TRAPPC12: variants seen among roughly 807,000 people sequenced by gnomAD.
TRAPPC12 encodes trafficking protein particle complex subunit 12, also known as TPR repeat protein 15.
TRAPPC12 carries 61 observed loss-of-function variants against 69.2 expected under a neutral mutation model. That is an observed-to-expected ratio of 0.88 (90% confidence interval 0.72 to 1.09). The LOEUF (loss-of-function observed/expected upper bound fraction) is 1.09. TRAPPC12 is among the 50% of genes least tolerant of loss of function. The pLI, the probability that TRAPPC12 is intolerant of heterozygous loss-of-function variation, is 0.00. For missense variants in TRAPPC12, 1,101 were observed against 1,016.4 expected (o/e 1.08, Z -1.13); for synonymous variants, 469 against 438.9 (o/e 1.07, Z -0.86).
At chr2:3,384,650 A>G (rs1010795812) in intron 1 of TRAPPC12, among the ~76,000 whole-genome samples, 67 of 152,226 alleles carry the variant, frequency 4.4e-4, no homozygotes, top group African/African-American at 1.4e-3. Context: ...AAATAAATAC[A>G]TTGCTGATTC....
intron 5 of TRAPPC12, among the ~76,000 whole-genome samples, chr2:3,434,752 G>A (rs1453432406): frequency 6.6e-6 from 1 of 152,218 alleles, no homozygotes; most frequent in Admixed American, 6.5e-5. Flanking sequence ...GTGGCCGTAT[G>A]TTGGCAGTTT....
intron 1 of TRAPPC12, among the ~76,000 whole-genome samples, chr2:3,380,300 T>G (rs1440972842): frequency 1.3e-5 from 2 of 152,156 alleles, no homozygotes; most frequent in Non-Finnish European, 2.9e-5. Context: ...AAGAGGTTAC[T>G]AATGACCTGC....
intron 1 of TRAPPC12, among the ~76,000 whole-genome samples, chr2:3,382,198 G>T (rs916504259): frequency 1.4e-5 from 2 of 138,520 alleles, no homozygotes; most frequent in African/African-American, 5.4e-5. Flanking sequence ...GCAGTGGCAC[G>T]ATCTTGGCTC....
chr2:3,388,222 T>A lies in TRAPPC12; in HGVS notation c.599T>A (p.Val200Glu), dbSNP rs1323259192. ...EASARTPPQVVQPSPSLSTFF... is the reference protein window; with the variant it reads ...EASARTPPQVEQPSPSLSTFF... ...TCGGCCAGGACACCGCCCCAGGTCG[T>A]GCAGCCCAGCCCCAGCCTCAGCACG... is the stretch of plus-strand genomic sequence containing the variant. The change falls in exon 2 of 12, where the codon GTG becomes GAG. Residue 200 changes from valine to glutamate, a missense_variant. Physicochemically the swap from Val to Glu is moderately radical, Grantham distance 121 (BLOSUM62 -2). Coordinates refer to ENST00000324266, the MANE Select transcript of TRAPPC12 (RefSeq NM_016030.6). 6.2e-7 allele frequency: 1 copy of A among 1,608,732 alleles called. No homozygotes were observed. The highest frequency in any genetic ancestry group is 2.3e-5 in the East Asian group (1 of 44,416).
intron 5 of TRAPPC12, among the ~76,000 whole-genome samples, chr2:3,427,500 G>A (rs1663176044): frequency 6.6e-6 from 1 of 152,200 alleles, no homozygotes; most frequent in Non-Finnish European, 1.5e-5. Context: ...GATTCAAAAT[G>A]ACTCCTCTTA....
At chr2:3,430,234 G>A (rs1295349636) in intron 5 of TRAPPC12, among the ~76,000 whole-genome samples, 1 of 152,108 alleles carries the variant, frequency 6.6e-6, no homozygotes, top group Non-Finnish European at 1.5e-5. Flanking sequence ...GGGCATCCTT[G>A]TACATTTCCC....
At chr2:3,462,467 TTAA>T (rs546404962) in intron 8 of TRAPPC12, among the ~76,000 whole-genome samples, 133 of 152,344 alleles carry the variant, frequency 8.7e-4, no homozygotes, top group Non-Finnish European at 1.5e-3. Context: ...GTGTGTGATC[TTAA>T]TAATATGGGG....
chr2:3,384,705 AG>A (rs1385545302), intron 1 of TRAPPC12, among the ~76,000 whole-genome samples: 1 of 152,200 alleles, frequency 6.6e-6, no homozygotes, highest in Non-Finnish European at 1.5e-5. Context: ...TTCATGAGTG[AG>A]ATGATAGCTT....
intron 8 of TRAPPC12, among the ~76,000 whole-genome samples, chr2:3,461,475 G>C (rs1182847914): frequency 2.0e-5 from 3 of 152,238 alleles, no homozygotes; most frequent in African/African-American, 7.2e-5. Flanking sequence ...CCGTGACGCA[G>C]CCTCGCACTA....
chr2:3,419,973 C>G (rs1213983123), intron 3 of TRAPPC12, among the ~76,000 whole-genome samples: 3 of 152,208 alleles, frequency 2.0e-5, no homozygotes, highest in Non-Finnish European at 4.4e-5. Context: ...ACTAAACATA[C>G]TCTTAGGTAC....
chr2:3,411,015 C>T (rs549575662), intron 3 of TRAPPC12, among the ~76,000 whole-genome samples: 104 of 152,074 alleles, frequency 6.8e-4, no homozygotes, highest in Non-Finnish European at 1.2e-3. Flanking sequence ...GGCCACAGAG[C>T]GAGACTCCAT....
chr2:3,446,114 C>T (rs1202963638), intron 6 of TRAPPC12, among the ~76,000 whole-genome samples: 2 of 152,248 alleles, frequency 1.3e-5, no homozygotes, highest in Non-Finnish European at 2.9e-5. Flanking sequence ...ACTCATGCTT[C>T]TCGTTCCCTC....
chr2:3,442,119 C>A (rs1385294158), intron 5 of TRAPPC12, among the ~76,000 whole-genome samples: 1 of 89,420 alleles, frequency 1.1e-5, no homozygotes, highest in Non-Finnish European at 2.4e-5. Flanking sequence ...CTAGTCTGTA[C>A]GTTGAGATCG....
chr2:3,450,028 G>A (rs1057324968), intron 6 of TRAPPC12, among the ~76,000 whole-genome samples: 4 of 152,104 alleles, frequency 2.6e-5, no homozygotes, highest in Non-Finnish European at 4.4e-5. Flanking sequence ...CTGGGCATCA[G>A]GGCTTTCCAG....
At position 3,414,766 on chromosome 2, in the gene TRAPPC12, C is replaced by G. The variant is rs942548652; in HGVS notation, c.1165-7115C>G. Among the ~76,000 whole-genome samples the G allele has an allele frequency of 6.6e-6, 1 of 152,068 alleles. No homozygotes were observed. Among genetic ancestry groups the G allele is most frequent in the African/African-American group, 2.4e-5 (1 of 41,412 alleles). ...TTCCTCTTGTTCATCGTGCGAGACT[C>G]CCCACCCCTGTGCCACCGGTCTCGG... On this transcript the variant is annotated intron_variant, in intron 3 of 11. Coordinates refer to ENST00000324266, the MANE Select transcript of TRAPPC12 (RefSeq NM_016030.6). The surrounding 1 kb of genome is among the most constrained non-coding windows in gnomAD (Gnocchi z 4.9).
At chr2:3,415,311 A>G (rs1430667978) in intron 3 of TRAPPC12, among the ~76,000 whole-genome samples, 1 of 152,204 alleles carries the variant, frequency 6.6e-6, no homozygotes, top group Non-Finnish European at 1.5e-5. Flanking sequence ...GATTTTCCCA[A>G]CTGCAGGCTA....
At chr2:3,439,887 A>AT (rs55915131) in intron 5 of TRAPPC12, among the ~76,000 whole-genome samples, 27,777 of 146,706 alleles carry the variant, frequency 0.19, 2,863 homozygotes, top group Middle Eastern at 0.33. Flanking sequence ...GTCTAGATTC[A>AT]TTTTTTTTTT....
intron 9 of TRAPPC12, among the ~76,000 whole-genome samples, chr2:3,471,525 G>A (rs1230517254): frequency 1.3e-5 from 2 of 152,102 alleles, no homozygotes; most frequent in African/African-American, 4.8e-5. Context: ...AGAGCACCAG[G>A]GCCTCCACAC....
At chr2:3,421,701 G>A (rs575935392) in intron 3 of TRAPPC12, 180 bp from the exon 4 acceptor site, 21 of 718,992 alleles carry the variant, frequency 2.9e-5, no homozygotes, top group East Asian at 2.1e-4. Context: ...CACGTGCAGC[G>A]TTGACAAATG....
Sources: allele counts gnomAD v4.1 joint callset (sites outside exome capture counted in the v4.1 genomes callset), GRCh38; gene constraint gnomAD v4.1.1; non-coding constraint Gnocchi (gnomAD v3.1); transcripts MANE v1.5; gene names NCBI Gene and HGNC (gene_info 2026-07-23, HGNC 2026-07-21).